DUS2: variants seen among roughly 807,000 people sequenced by gnomAD.
The protein encoded by DUS2 is tRNA-dihydrouridine(20) synthase [NAD(P)+]-like.
In DUS2, 52 loss-of-function variants were observed where a neutral mutation model predicts 71.3. The observed-to-expected ratio is 0.73, with a 90% CI of 0.58 to 0.92. The LOEUF is 0.92. DUS2 is among the 40% of genes least tolerant of loss of function. The probability of loss-of-function intolerance (pLI) is 0.00; values close to 1 mark genes in which losing one functional copy is unlikely to be tolerated. For missense variants in DUS2, 558 were observed against 622.6 expected (o/e 0.90, Z 1.10); for synonymous variants, 204 against 227.8 (o/e 0.90, Z 0.94).
intron 3 of DUS2, 120 bp downstream of exon 3, chr16:68,038,269 C>A: frequency 7.2e-7 from 1 of 1,390,018 alleles, no homozygotes; most frequent in South Asian, 1.4e-5. Flanking sequence ...TAGGTGTTCA[C>A]CAAAGGCTGG....
chr16:68,070,537 G>A (rs1185193141), intron 11 of DUS2, among the ~76,000 whole-genome samples: 1 of 152,162 alleles, frequency 6.6e-6, no homozygotes, highest in Non-Finnish European at 1.5e-5. Flanking sequence ...GTCATCACTA[G>A]GGTGTCTGTT....
chr16:68,069,463 G>A (rs150821021), intron 10 of DUS2, among the ~76,000 whole-genome samples: 73 of 152,284 alleles, frequency 4.8e-4, no homozygotes, highest in Admixed American at 4.0e-3. Flanking sequence ...CTGGTCGACC[G>A]TCTTGCTTGC....
At position 68,071,059 on chromosome 16, in the gene DUS2, A is replaced by G. The variant is rs149007693; in HGVS notation, c.761A>G (p.Lys254Arg). The G allele has an allele frequency of 1.9e-6, 3 of 1,614,082 alleles. No homozygotes were observed. The highest frequency in any genetic ancestry group is 1.3e-5 in the African/African-American group (1 of 74,924). The change falls in exon 12 of 17, where the codon AAG (lysine) becomes AGG (arginine). Residue 254 changes from lysine to arginine, a missense_variant. Transcript: ENST00000565263. ...ATGTGGAACCCATCTATCTTCCTCAAGGAGGGTCTGCGGCCCCTGGAGGAG... is the reference window on the plus strand; with the variant it reads ...ATGTGGAACCCATCTATCTTCCTCAGGGAGGGTCTGCGGCCCCTGGAGGAG... The part of the protein sequence containing the change: ...AAMWNPSIFL[K>R]EGLRPLEEVM...
chr16:68,074,170 A>G lies in DUS2; in HGVS notation c.932+15A>G. The G allele has an allele frequency of 6.2e-7, 1 of 1,613,890 alleles. No homozygotes were observed. The highest frequency in any genetic ancestry group is 8.5e-7 in the Non-Finnish European group (1 of 1,179,816). ...CGGGAAATTTGGTAAGAGGCACAAT[A>G]AGATGTCCATCTGTCCTTGTACGCA... On this transcript the variant is annotated intron_variant, in intron 13 of 16. Coordinates refer to ENST00000565263, the MANE Select transcript of DUS2 (RefSeq NM_017803.5).
intron 2 of DUS2, among the ~76,000 whole-genome samples, chr16:68,026,078 C>T (rs1655945900): frequency 6.6e-6 from 1 of 152,178 alleles, no homozygotes; most frequent in Non-Finnish European, 1.5e-5. Flanking sequence ...GTAACCTCTG[C>T]CTCCCAGGTT....
intron 2 of DUS2, among the ~76,000 whole-genome samples, chr16:68,029,608 G>A (rs564362263): frequency 2.6e-4 from 40 of 151,954 alleles, no homozygotes; most frequent in African/African-American, 6.3e-4. Flanking sequence ...CACCATACCC[G>A]GCTAATTTTT....
At chr16:68,031,734 G>C (rs142900957) in intron 2 of DUS2, among the ~76,000 whole-genome samples, 1,790 of 151,750 alleles carry the variant, frequency 0.012, 36 homozygotes, top group African/African-American at 0.041. Context: ...TCACTCTGTT[G>C]CCCAGGCTGG....
intron 10 of DUS2, among the ~76,000 whole-genome samples, chr16:68,069,885 G>T (rs567983720): frequency 6.6e-6 from 1 of 152,282 alleles, no homozygotes; most frequent in South Asian, 2.1e-4. Flanking sequence ...CCTGCAGCCA[G>T]GCCTCCCCTG....
At chr16:68,028,194 G>A (rs995347366) in intron 2 of DUS2, among the ~76,000 whole-genome samples, 56 of 152,112 alleles carry the variant, frequency 3.7e-4, no homozygotes, top group African/African-American at 1.2e-3. Context: ...GGAGACTGTT[G>A]TCATGGTTCA....
intron 12 of DUS2, 82 bp downstream of exon 12, chr16:68,071,190 G>T: frequency 6.7e-7 from 1 of 1,484,184 alleles, no homozygotes; most frequent in Non-Finnish European, 9.3e-7. Context: ...TGAGCCCCCA[G>T]CTGCCAGCTG....
chr16:68,035,957 C>T (rs1441438812), intron 2 of DUS2, among the ~76,000 whole-genome samples: 5 of 140,004 alleles, frequency 3.6e-5, no homozygotes, highest in Non-Finnish European at 6.0e-5. Context: ...TATATATACA[C>T]ACATATGTTA....
chr16:68,054,508 G>A, intron 5 of DUS2, 66 bp from the exon 6 acceptor site: 4 of 1,551,838 alleles, frequency 2.6e-6, no homozygotes, highest in Non-Finnish European at 3.6e-6. Context: ...TGCTGCATGG[G>A]TGTGTTTGTC....
At chr16:68,054,914 G>A (rs1200474449) in intron 6 of DUS2, among the ~76,000 whole-genome samples, 2 of 152,026 alleles carry the variant, frequency 1.3e-5, no homozygotes, top group East Asian at 1.9e-4. Context: ...GTGGTGGCGC[G>A]TGCCTGTAGT....
At chr16:68,053,771 C>A in intron 5 of DUS2, 116 bp downstream of exon 5, 1 of 1,004,354 alleles carries the variant, frequency 1.0e-6, no homozygotes. Context: ...ACAACGATGG[C>A]TTCCTGAAGA....
At chr16:68,036,659 C>G (rs566029164) in intron 2 of DUS2, among the ~76,000 whole-genome samples, 3 of 151,976 alleles carry the variant, frequency 2.0e-5, no homozygotes, top group African/African-American at 7.2e-5. Context: ...AGGCTGGTCT[C>G]GAACTCCTGA....
chr16:68,078,608 G>C, intron 16 of DUS2, 90 bp downstream of exon 16: 1 of 1,526,880 alleles, frequency 6.5e-7, no homozygotes, highest in Non-Finnish European at 9.0e-7. Context: ...TAGGAGGGTT[G>C]GGTAGATGGT....
chr16:68,026,452 G>A (rs139644051), intron 2 of DUS2, among the ~76,000 whole-genome samples: 86 of 152,260 alleles, frequency 5.6e-4, no homozygotes, highest in African/African-American at 1.9e-3. Context: ...AGGGCTGTGC[G>A]CAGGTAATCA....
At chr16:68,075,632 A>G (rs2034146670) in intron 14 of DUS2, 128 bp downstream of exon 14, 1 of 987,452 alleles carries the variant, frequency 1.0e-6, no homozygotes, top group East Asian at 3.0e-5. Flanking sequence ...TGGTTTGGAA[A>G]CTCGTTCTAA....
chr16:68,074,228 C>T, intron 13 of DUS2, 73 bp downstream of exon 13: 1 of 1,579,156 alleles, frequency 6.3e-7, no homozygotes, highest in Non-Finnish European at 8.7e-7. Flanking sequence ...CCTAAGCTGA[C>T]TCCACCAGGG....
Sources: gnomAD v4.1 joint callset for allele counts (sites outside exome capture counted in the v4.1 genomes callset) on GRCh38, gnomAD v4.1.1 for gene constraint, MANE v1.5 for transcripts, NCBI Gene and HGNC (gene_info 2026-07-23, HGNC 2026-07-21) for gene names.